RALGAPA2: variants seen among roughly 807,000 people sequenced by gnomAD.
RALGAPA2 encodes the protein ral GTPase-activating protein subunit alpha-2.
RALGAPA2 carries 139 observed loss-of-function variants against 230.4 expected under a neutral mutation model. The ratio of observed to expected loss-of-function variants is 0.60; its 90% confidence interval spans 0.53 to 0.69. RALGAPA2 has a LOEUF of 0.69. RALGAPA2 is among the 30% of genes least tolerant of loss of function. RALGAPA2 has a pLI of 0.00. For synonymous variants in RALGAPA2, 847 were observed against 837.8 expected (o/e 1.01, Z -0.19); for missense variants, 2,163 against 2,276.0 (o/e 0.95, Z 1.01).
At chr20:20,529,805 C>T (rs1301010376) in intron 27 of RALGAPA2, among the ~76,000 whole-genome samples, 2 of 152,144 alleles carry the variant, frequency 1.3e-5, no homozygotes, top group African/African-American at 4.8e-5. Flanking sequence ...GAATGTATCC[C>T]CATCACTATG....
At chr20:20,480,870 C>G (rs555794908) in intron 36 of RALGAPA2, among the ~76,000 whole-genome samples, 4 of 152,224 alleles carry the variant, frequency 2.6e-5, no homozygotes, top group Admixed American at 1.3e-4. Flanking sequence ...CATAAGTGCC[C>G]TCTCCTAACA....
At chr20:20,443,872 C>T (rs2123091505) in intron 37 of RALGAPA2, among the ~76,000 whole-genome samples, 1 of 152,344 alleles carries the variant, frequency 6.6e-6, no homozygotes, top group South Asian at 2.1e-4. Context: ...ATCTCGAGTC[C>T]ATCTCTCACA....
At position 20,404,775 on chromosome 20, in the gene RALGAPA2, A is replaced by C. The variant is rs146347551; in HGVS notation, c.5617+7252T>G. On this transcript the variant is annotated intron_variant, in intron 38 of 39. Coordinates refer to ENST00000202677, the MANE Select transcript of RALGAPA2 (RefSeq NM_020343.4). ...CAGGAGGAAGATGCCACCTGCACTTAAAACTCTGTAAGGACTGGGAACCCA... is the reference window on the plus strand; with the variant it reads ...CAGGAGGAAGATGCCACCTGCACTTCAAACTCTGTAAGGACTGGGAACCCA... Among the ~76,000 whole-genome samples the C allele has an allele frequency of 7.3e-3, 1,118 of 152,340 alleles. 17 individuals are homozygous for C. Among genetic ancestry groups the C allele is most frequent in the African/African-American group, 0.025 (1,057 of 41,574 alleles).
chr20:20,626,535 G>A, intron 10 of RALGAPA2, among the ~76,000 whole-genome samples: 1 of 152,134 alleles, frequency 6.6e-6, no homozygotes, highest in East Asian at 1.9e-4. Flanking sequence ...ACTGAATTTA[G>A]AATTTAGAGC....
intron 37 of RALGAPA2, among the ~76,000 whole-genome samples, chr20:20,431,359 G>C (rs543363838): frequency 6.6e-6 from 1 of 152,280 alleles, no homozygotes; most frequent in East Asian, 1.9e-4. Flanking sequence ...GCTGGAGGGG[G>C]GAGAAGGAAG....
chr20:20,590,816 C>G (rs1002476229), intron 17 of RALGAPA2, among the ~76,000 whole-genome samples: 1 of 152,112 alleles, frequency 6.6e-6, no homozygotes, highest in Non-Finnish European at 1.5e-5. Flanking sequence ...GTCCCTGCCC[C>G]CATCCTGCCT....
chr20:20,448,665 T>C (rs2060918626), intron 37 of RALGAPA2, among the ~76,000 whole-genome samples: 1 of 152,126 alleles, frequency 6.6e-6, no homozygotes, highest in Non-Finnish European at 1.5e-5. Flanking sequence ...AAAACAGAAA[T>C]AGCATTTTTG....
In RALGAPA2 at chr20:20,620,477, T is replaced by A; in HGVS notation, c.1387A>T (p.Thr463Ser). The change falls in exon 11 of 40, where the codon ACT becomes TCT. Residue 463 changes from threonine to serine, a missense_variant. Physicochemically the swap from Thr to Ser is moderately conservative, Grantham distance 58 (BLOSUM62 1). Transcript: ENST00000202677. ...AAAAAAATTACCTCCTTGCTATCAG[T>A]CTCGGAAAATCCTAATTTTTCAGCA... The part of the protein sequence containing the change: ...EDAEKLGFSE[T>S]DSKEASSESS... The A allele has an allele frequency of 6.2e-7, 1 of 1,613,732 alleles. No homozygotes were observed. The highest frequency in any genetic ancestry group is 1.1e-5 in the South Asian group (1 of 91,064).
Position 20,478,626 on chromosome 20 carries a change from T to C in RALGAPA2, c.5368-5670A>G, listed in dbSNP as rs376666681. ...TCACTTATAAGTGGGAGCTAAACAT[T>C]GAGTACTCATGGACATAAAGATAAC... On this transcript the variant is annotated intron_variant, in intron 36 of 39. Coordinates refer to ENST00000202677, the MANE Select transcript of RALGAPA2 (RefSeq NM_020343.4). 2.0e-4 allele frequency among the ~76,000 whole-genome samples: 30 copies of C among 151,858 alleles called. No individual in the cohort carries two copies. In the South Asian group the frequency reaches 6.2e-3, roughly 32 times the overall value.
intron 23 of RALGAPA2, among the ~76,000 whole-genome samples, chr20:20,566,284 T>C (rs910761264): frequency 3.3e-5 from 5 of 152,170 alleles, no homozygotes; most frequent in Non-Finnish European, 5.9e-5. Context: ...CAGAGGCTCA[T>C]TGGGTGGGGT....
At position 20,591,157 on chromosome 20, in the gene RALGAPA2, A is replaced by G; in HGVS notation, c.2341+20T>C. The G allele has an allele frequency of 6.2e-7, 1 of 1,612,194 alleles. No individual in the cohort carries two copies. The highest frequency in any genetic ancestry group is 1.1e-5 in the South Asian group (1 of 90,954). On this transcript the variant is annotated intron_variant, in intron 17 of 39. Coordinates refer to ENST00000202677, the MANE Select transcript of RALGAPA2 (RefSeq NM_020343.4). ...GCCAGAATCTATAGTTCTGTATTAA[A>G]CACTGAAGACATCATGTACCCTGAG...
chr20:20,692,187 G>A (rs1023346401), intron 1 of RALGAPA2, among the ~76,000 whole-genome samples: 1 of 152,020 alleles, frequency 6.6e-6, no homozygotes, highest in Non-Finnish European at 1.5e-5. Flanking sequence ...AAGGGACTAC[G>A]ACCATAGGAA....
chr20:20,682,343 A>G (rs1437473966), intron 1 of RALGAPA2, among the ~76,000 whole-genome samples: 5 of 152,224 alleles, frequency 3.3e-5, no homozygotes, highest in African/African-American at 1.2e-4. Context: ...AATCTTGACA[A>G]GGAATCCTTG....
Position 20,389,919 on chromosome 20 carries a change from C to T in RALGAPA2, c.*3370G>A, listed in dbSNP as rs947731774. 1 of 152,072 alleles carries T rather than the reference C, an allele frequency of 6.6e-6. No individual in the cohort carries two copies. The highest frequency in any genetic ancestry group is 1.5e-5 in the Non-Finnish European group (1 of 68,008). 9.4% of individuals were successfully genotyped at this position (152,072 alleles called of 1,614,324 possible). A position where few individuals can be genotyped will look rare whatever the true frequency, so the allele number is the denominator to read the frequency against. ...ATTTATCAAATTTTTTCCTTATTTA[C>T]ATGTACTAAACATTGTAGACCTGAA... On this transcript the variant is annotated 3_prime_UTR_variant, in exon 40 of 40. Transcript: ENST00000202677.
chr20:20,632,401 C>G (rs2066706698), intron 9 of RALGAPA2, among the ~76,000 whole-genome samples: 1 of 152,126 alleles, frequency 6.6e-6, no homozygotes, highest in African/African-American at 2.4e-5. Flanking sequence ...TGACTCACAA[C>G]TGTGAAGAGT....
chr20:20,669,635 G>C (rs989482969), intron 3 of RALGAPA2, among the ~76,000 whole-genome samples: 7 of 152,028 alleles, frequency 4.6e-5, no homozygotes, highest in Non-Finnish European at 7.4e-5. Flanking sequence ...ATTCCTTCCT[G>C]CAAAAAAACA....
chr20:20,684,690 A>T (rs1460083217), intron 1 of RALGAPA2, among the ~76,000 whole-genome samples: 1 of 152,134 alleles, frequency 6.6e-6, no homozygotes, highest in African/African-American at 2.4e-5. Flanking sequence ...CTCTTCACAC[A>T]ATTCCCCCTG....
intron 1 of RALGAPA2, among the ~76,000 whole-genome samples, chr20:20,699,189 T>C (rs1166990114): frequency 1.3e-5 from 2 of 152,246 alleles, no homozygotes; most frequent in Non-Finnish European, 2.9e-5. Flanking sequence ...CAAATATTTT[T>C]CCAGTTCATT....
At chr20:20,450,438 C>A (rs536546977) in intron 37 of RALGAPA2, among the ~76,000 whole-genome samples, 1 of 152,372 alleles carries the variant, frequency 6.6e-6, no homozygotes, top group East Asian at 1.9e-4. Context: ...CTAGGATTCA[C>A]TTGGTAACAA....
Sources: gnomAD v4.1 joint callset for allele counts (sites outside exome capture counted in the v4.1 genomes callset) on GRCh38, gnomAD v4.1.1 for gene constraint, MANE v1.5 for transcripts, NCBI Gene and HGNC (gene_info 2026-07-23, HGNC 2026-07-21) for gene names.